CHLSN: variants seen among roughly 807,000 people sequenced by gnomAD.
The protein encoded by CHLSN is protein cholesin.
chr7:1,109,759 C>T, the CHLSN span, among the ~76,000 whole-genome samples: 1 of 152,122 alleles, frequency 6.6e-6, no homozygotes, highest in Admixed American at 6.5e-5. Context: ...GAGCCCTTCC[C>T]GCCCGCCGGG....
At chr7:1,002,970 G>C in the CHLSN span, among the ~76,000 whole-genome samples, 3 of 91,894 alleles carry the variant, frequency 3.3e-5, no homozygotes, top group African/African-American at 1.4e-4. Context: ...GGTGAGTGGA[G>C]TCCTGTGGGT....
the CHLSN span, chr7:1,057,468 A>G: frequency 1.4e-6 from 1 of 712,594 alleles, no homozygotes; most frequent in Non-Finnish European, 2.6e-6. Context: ...ACGCGAGCTG[A>G]CCACCTGTTC....
At chr7:1,055,763 C>A in the CHLSN span, among the ~76,000 whole-genome samples, 1 of 152,176 alleles carries the variant, frequency 6.6e-6, no homozygotes, top group Admixed American at 6.5e-5. Context: ...ACAAGGCACA[C>A]AGTGAGACAG....
At chr7:1,030,587 G>A in the CHLSN span, among the ~76,000 whole-genome samples, 3 of 152,218 alleles carry the variant, frequency 2.0e-5, no homozygotes, top group African/African-American at 7.2e-5. Context: ...CATACCAGCT[G>A]CTATGCCTTC....
At chr7:1,010,650 A>C in the CHLSN span, among the ~76,000 whole-genome samples, 1 of 152,118 alleles carries the variant, frequency 6.6e-6, no homozygotes, top group African/African-American at 2.4e-5. Flanking sequence ...GGGGACAGGG[A>C]GGGGGCCAAG....
chr7:1,079,536 G>A, the CHLSN span, among the ~76,000 whole-genome samples: 1 of 152,048 alleles, frequency 6.6e-6, no homozygotes, highest in Non-Finnish European at 1.5e-5. Flanking sequence ...CATTAAAAAT[G>A]ATAATAAAAC....
chr7:1,103,063 C>T, the CHLSN span, among the ~76,000 whole-genome samples: 2 of 152,220 alleles, frequency 1.3e-5, no homozygotes, highest in Non-Finnish European at 2.9e-5. Context: ...ACCTCTGCAG[C>T]GTGCGGGCCG....
the CHLSN span, chr7:1,000,402 GA>G: frequency 2.9e-6 from 3 of 1,049,832 alleles, no homozygotes; most frequent in Non-Finnish European, 3.9e-6. Flanking sequence ...CCCCCGGGGG[GA>G]CGTGCCTGCC....
the CHLSN span, among the ~76,000 whole-genome samples, chr7:982,565 G>C: frequency 2.0e-5 from 3 of 152,262 alleles, no homozygotes; most frequent in African/African-American, 7.2e-5. Context: ...CCCCTGCCCG[G>C]GCGGCAGCCC....
At chr7:1,084,967 C>G in the CHLSN span, among the ~76,000 whole-genome samples, 33 of 152,204 alleles carry the variant, frequency 2.2e-4, 2 homozygotes, top group East Asian at 1.7e-3. Flanking sequence ...TCAGTCAGTG[C>G]TGGCAGAGGG....
At chr7:1,057,314 C>T in the CHLSN span, among the ~76,000 whole-genome samples, 7 of 152,144 alleles carry the variant, frequency 4.6e-5, no homozygotes, top group African/African-American at 1.2e-4. Context: ...GGTCACGACC[C>T]GAGACGGCCA....
the CHLSN span, chr7:1,092,885 GGT>G: frequency 6.3e-7 from 1 of 1,597,396 alleles, no homozygotes; most frequent in Non-Finnish European, 8.6e-7. Context: ...GCCCAGCCAG[GGT>G]GTGACTCGGG....
At chr7:1,134,459 A>G in the CHLSN span, among the ~76,000 whole-genome samples, 3 of 152,062 alleles carry the variant, frequency 2.0e-5, no homozygotes, top group African/African-American at 7.2e-5. Context: ...CTGTAGTCCC[A>G]GCTACTCGGG....
the CHLSN span, among the ~76,000 whole-genome samples, chr7:1,054,467 G>C: frequency 6.6e-6 from 1 of 152,372 alleles, no homozygotes; most frequent in South Asian, 2.1e-4. Context: ...CCCGGCTGGG[G>C]TGACAGCACG....
the CHLSN span, chr7:1,092,909 C>T: frequency 6.6e-7 from 1 of 1,522,948 alleles, no homozygotes; most frequent in Non-Finnish European, 9.1e-7. Flanking sequence ...GCTGCACACA[C>T]CTGGGTGGAC....
At chr7:1,064,109 C>T in the CHLSN span, among the ~76,000 whole-genome samples, 12 of 152,304 alleles carry the variant, frequency 7.9e-5, no homozygotes, top group East Asian at 1.5e-3. Context: ...CACATACATG[C>T]GTGCAAGCAT....
chr7:1,136,445 T>TATATAAAC, the CHLSN span, among the ~76,000 whole-genome samples: 74 of 118,300 alleles, frequency 6.3e-4, 3 homozygotes, highest in African/African-American at 2.6e-3. Context: ...TATATATAAA[T>TATATAAAC]ATATATAAAC....
chr7:1,041,214 C>CGGTACCTGGGCTCCGCGCTGCGGGGAAG, the CHLSN span, among the ~76,000 whole-genome samples: 4,216 of 107,604 alleles, frequency 0.039, 787 homozygotes, highest in East Asian at 0.064. Context: ...CTGCAGGGAA[C>CGGTACCTGGGCTCCGCGCTGCGGGGAAG]GGGACCTGGG....
the CHLSN span, among the ~76,000 whole-genome samples, chr7:1,116,038 C>T: frequency 8.1e-4 from 95 of 116,818 alleles, no homozygotes; most frequent in African/African-American, 1.3e-3. Context: ...ATCACTACAG[C>T]TCTACGGACC....
Sources: allele counts gnomAD v4.1 joint callset (sites outside exome capture counted in the v4.1 genomes callset), GRCh38; gene constraint gnomAD v4.1.1; transcripts MANE v1.5; gene names NCBI Gene and HGNC (gene_info 2026-07-23, HGNC 2026-07-21).